The following ATP2A2 variants were observed in gnomAD, a reference collection of about 807,000 sequenced individuals.
ATP2A2 encodes the protein ATPase sarcoplasmic/endoplasmic reticulum Ca2+ transporting 2, also known as sarcoplasmic/endoplasmic reticulum calcium ATPase 2.
In ATP2A2, 14 loss-of-function variants were observed where a neutral mutation model predicts 109.3. The observed-to-expected ratio is 0.13, with a 90% CI of 0.08 to 0.20. The LOEUF is 0.20. Ranked by LOEUF, ATP2A2 falls within the 10% of genes least tolerant of loss-of-function variation. The pLI, the probability that ATP2A2 is intolerant of heterozygous loss-of-function variation, is 1.00. For synonymous variants in ATP2A2, 506 were observed against 490.9 expected, an observed-to-expected ratio of 1.03 and a Z score of -0.41; for missense variants, 657 against 1,321.6, an observed-to-expected ratio of 0.50 and a Z score of 7.80.
Position 110,346,596 on chromosome 12 carries a change from T to C in ATP2A2, c.*126T>C. On this transcript the variant is annotated 3_prime_UTR_variant, in exon 20 of 20. Coordinates refer to ENST00000539276, the MANE Select transcript of ATP2A2 (RefSeq NM_170665.4). ...GGCTGGTGATGGAGGTTTCATACTC[T>C]AGATTTTGTTTTGCTTTTTCTGACT... is the stretch of plus-strand genomic sequence containing the variant. 1 of 1,516,124 alleles carries C rather than the reference T, an allele frequency of 6.6e-7. No homozygotes were observed. The highest frequency in any genetic ancestry group is 8.8e-7 in the Non-Finnish European group (1 of 1,139,360). 93.9% of individuals were successfully genotyped at this position (1,516,124 alleles called of 1,614,324 possible).
At chr12:110,326,325 G>A in intron 6 of ATP2A2, 65 bp from the exon 7 acceptor site, 1 of 1,440,902 alleles carries the variant, frequency 6.9e-7, no homozygotes, top group Admixed American at 1.8e-5. Context: ...GGGCATGAAT[G>A]AGAGGTTCTA....
Position 110,350,219 on chromosome 12 carries a change from C to CT in ATP2A2, c.*3750dup. 1 of 1,613,874 alleles carries CT rather than the reference C, an allele frequency of 6.2e-7. No individual in the cohort carries two copies. Among genetic ancestry groups the CT allele is most frequent in the South Asian group, 1.1e-5 (1 of 91,020 alleles). On this transcript the variant is annotated 3_prime_UTR_variant, in exon 20 of 20. Transcript: ENST00000539276. ...TTCATCTGTCGCTGTTGATCTTCAT[C>CT]TATTTAAATAGGTATTCTAACGTTT...
intron 3 of ATP2A2, among the ~76,000 whole-genome samples, chr12:110,286,700 TAA>T (rs769437237): frequency 2.1e-5 from 3 of 141,234 alleles, no homozygotes. Context: ...CCTCTTTATT[TAA>T]AAAAAAAAAA....
intron 3 of ATP2A2, among the ~76,000 whole-genome samples, chr12:110,285,750 A>T (rs1872591035): frequency 6.6e-6 from 1 of 152,126 alleles, no homozygotes; most frequent in African/African-American, 2.4e-5. Context: ...TAATTTGCAT[A>T]GGTTTCTCTA....
At chr12:110,326,288 A>G (rs1877793909) in intron 6 of ATP2A2, 102 bp from the exon 7 acceptor site, 6 of 1,103,162 alleles carry the variant, frequency 5.4e-6, no homozygotes, top group African/African-American at 1.6e-5. Context: ...TTCTCACACT[A>G]ACAGTATCCC....
chr12:110,296,361 G>A (rs1873960330), intron 4 of ATP2A2: 1 of 516,956 alleles, frequency 1.9e-6, no homozygotes, highest in Non-Finnish European at 3.5e-6. Context: ...GTCTGTAATT[G>A]CTTTTCCTCA....
chr12:110,332,826 T>TAG (rs1431189476), intron 9 of ATP2A2, 141 bp downstream of exon 9: 3 of 850,122 alleles, frequency 3.5e-6, no homozygotes, highest in Middle Eastern at 2.2e-4. Flanking sequence ...TAAATGTTTT[T>TAG]AAAACAAAAA....
intron 14 of ATP2A2, among the ~76,000 whole-genome samples, chr12:110,341,847 G>A (rs566812960): frequency 6.6e-6 from 1 of 152,302 alleles, no homozygotes; most frequent in South Asian, 2.1e-4. Context: ...CAGCCTGGGC[G>A]ACAGAGCGGG....
At chr12:110,336,317 A>T (rs1271760624) in intron 11 of ATP2A2, among the ~76,000 whole-genome samples, 2 of 152,182 alleles carry the variant, frequency 1.3e-5, no homozygotes, top group Non-Finnish European at 2.9e-5. Context: ...AGCCTTTTCT[A>T]GTTGTCATAC....
rs759309710 is a variant in ATP2A2 at position 110,340,988 on chromosome 12, A to C, written c.2091A>C (p.Thr697=). 6 of 1,614,156 alleles carry C rather than the reference A, an allele frequency of 3.7e-6. No individual in the cohort carries two copies. Among genetic ancestry groups the C allele is most frequent in the Non-Finnish European group, 5.1e-6 (6 of 1,179,984 alleles). Residue 697 remains threonine (T), a synonymous_variant, in exon 14 of 20, where the codon ACA becomes ACC. Transcript: ENST00000539276. The surrounding 1 kb of genome is among the most constrained non-coding windows in gnomAD (Gnocchi z 6.0). ...TTCTTCAGTCTTTTGATGAGATTACAGCTATGGTGAGCATGTTTGAACATG... is the reference window on the plus strand; with the variant it reads ...TTCTTCAGTCTTTTGATGAGATTACCGCTATGGTGAGCATGTTTGAACATG... The part of the protein sequence containing the change: ...VEFLQSFDEI[T]AMTGDGVNDA...
intron 11 of ATP2A2, among the ~76,000 whole-genome samples, chr12:110,336,959 C>T (rs768052398): frequency 3.9e-5 from 6 of 152,204 alleles, no homozygotes; most frequent in Non-Finnish European, 8.8e-5. Flanking sequence ...AACAGCTTCA[C>T]AGATTGAGGG....
At chr12:110,284,577 T>G (rs1872485378) in intron 3 of ATP2A2, among the ~76,000 whole-genome samples, 1 of 152,202 alleles carries the variant, frequency 6.6e-6, no homozygotes, top group Non-Finnish European at 1.5e-5. Context: ...TGTTTGTTCA[T>G]TTTTTACTTT....
At chr12:110,331,830 AC>A (rs1047359841) in intron 8 of ATP2A2, 1 of 152,338 alleles carries the variant, frequency 6.6e-6, no homozygotes, top group African/African-American at 2.4e-5. Context: ...CCTAAATCTT[AC>A]TTTTCCAAAC....
chr12:110,339,199 G>A lies in ATP2A2; in HGVS notation c.1420-82G>A. 8 of 1,560,868 alleles carry A rather than the reference G, an allele frequency of 5.1e-6. No individual in the cohort carries two copies. Among genetic ancestry groups the A allele is most frequent in the Non-Finnish European group, 6.2e-6 (7 of 1,135,686 alleles). ...TTGCTATATTCCTAGCATCTGTCAT[G>A]TAATAGGTGTGCTTACTGCTTGTTA... On this transcript the variant is annotated intron_variant, in intron 11 of 19. Transcript: ENST00000539276. The surrounding 1 kb of genome is among the most constrained non-coding windows in gnomAD (Gnocchi z 4.4).
At position 110,348,272 on chromosome 12, in the gene ATP2A2, C is replaced by G. The variant is rs367953918; in HGVS notation, c.*1802C>G. 1.1e-4 allele frequency: 105 copies of G among 985,444 alleles called. No homozygotes were observed. The African/African-American group carries it at 1.7e-3, about 16-fold the overall frequency. 61.0% of individuals were successfully genotyped at this position (985,444 alleles called of 1,614,324 possible). A position where few individuals can be genotyped will look rare whatever the true frequency, so the allele number is the denominator to read the frequency against. On this transcript the variant is annotated 3_prime_UTR_variant, in exon 20 of 20. Transcript: ENST00000539276. ...GGCCACTTCCCCACTCCCCCACCCC[C>G]CCTTGCTTGGTCTTGTCCTTGGTGG...
chr12:110,314,330 A>G (rs530356223), intron 5 of ATP2A2, among the ~76,000 whole-genome samples: 3 of 122,282 alleles, frequency 2.5e-5, no homozygotes, highest in South Asian at 2.3e-4. Flanking sequence ...CTCTGTCTCA[A>G]AAAAAGAAAA....
chr12:110,338,699 C>T (rs764169197), intron 11 of ATP2A2, among the ~76,000 whole-genome samples: 8 of 152,178 alleles, frequency 5.3e-5, no homozygotes, highest in Non-Finnish European at 7.4e-5. Context: ...CCACTGCACC[C>T]GACCACCTTC....
intron 10 of ATP2A2, 112 bp downstream of exon 10, chr12:110,333,395 T>C: frequency 9.7e-7 from 1 of 1,032,028 alleles, no homozygotes. Flanking sequence ...GGTGCCTGAT[T>C]TTGTTTCCCC....
Position 110,330,240 on chromosome 12 carries a change from G to A in ATP2A2, c.1095+2223G>A, listed in dbSNP as rs577635971. 4 of 152,166 alleles carry A rather than the reference G, an allele frequency of 2.6e-5. No individual in the cohort carries two copies. In the South Asian group the frequency reaches 8.3e-4, roughly 32 times the overall value. The allele number at this position is 152,166 out of a possible 1,614,324, so 9.4% of individuals were successfully genotyped here. Reference sequence around the variant, plus strand: ...TGAATTTTTATCTTGCCAATTTTAAGCTCATGATGATTTTTTAGATACAGG... The same window carrying A: ...TGAATTTTTATCTTGCCAATTTTAAACTCATGATGATTTTTTAGATACAGG... On this transcript the variant is annotated intron_variant, in intron 8 of 19. Coordinates refer to ENST00000539276, the MANE Select transcript of ATP2A2 (RefSeq NM_170665.4).
Sources: allele counts gnomAD v4.1 joint callset (sites outside exome capture counted in the v4.1 genomes callset), GRCh38; gene constraint gnomAD v4.1.1; non-coding constraint Gnocchi (gnomAD v3.1); transcripts MANE v1.5; gene names NCBI Gene and HGNC (gene_info 2026-07-23, HGNC 2026-07-21).